Variants in NSMAF observed in about 807,000 individuals in gnomAD.
NSMAF encodes neutral sphingomyelinase activation associated factor, also known as protein FAN.
NSMAF carries 90 observed loss-of-function variants against 134.9 expected under a neutral mutation model. The ratio of observed to expected loss-of-function variants is 0.67; its 90% CI spans 0.56 to 0.79. The LOEUF is 0.79. NSMAF is among the 30% of genes least tolerant of loss of function. NSMAF has a pLI of 0.00. For synonymous variants in NSMAF, 358 were observed against 389.6 expected, an observed-to-expected ratio of 0.92 and a Z score of 0.96; for missense variants, 1,010 against 1,119.0, an observed-to-expected ratio of 0.90 and a Z score of 1.39.
At chr8:58,643,119 G>T in intron 1 of NSMAF, 46 bp from the exon 2 acceptor site, 1 of 1,343,494 alleles carries the variant, frequency 7.4e-7, no homozygotes, top group Non-Finnish European at 1.1e-6. Flanking sequence ...TTTTTAGTAA[G>T]TATAAGAAGG....
intron 1 of NSMAF, among the ~76,000 whole-genome samples, chr8:58,652,505 A>C (rs1438796776): frequency 6.6e-6 from 1 of 152,214 alleles, no homozygotes; most frequent in African/African-American, 2.4e-5. Context: ...CTGCAGCCAC[A>C]CATGCTGAGC....
intron 16 of NSMAF, among the ~76,000 whole-genome samples, chr8:58,600,395 C>T (rs897117764): frequency 8.6e-5 from 13 of 151,850 alleles, no homozygotes; most frequent in Non-Finnish European, 1.6e-4. Context: ...GAGGCCAAGG[C>T]GGGTGGATCA....
chr8:58,636,578 G>A (rs1177628636), intron 2 of NSMAF, among the ~76,000 whole-genome samples: 2 of 152,128 alleles, frequency 1.3e-5, no homozygotes, highest in East Asian at 1.9e-4. Context: ...CTAGATCAAG[G>A]GCTGGTAAAC....
intron 9 of NSMAF, among the ~76,000 whole-genome samples, chr8:58,610,899 T>C (rs1806515164): frequency 6.6e-6 from 1 of 152,196 alleles, no homozygotes; most frequent in Non-Finnish European, 1.5e-5. Flanking sequence ...TATCACTCCC[T>C]CAATAGAGTT....
intron 22 of NSMAF, 136 bp downstream of exon 22, chr8:58,595,424 G>A (rs993865112): frequency 1.6e-6 from 1 of 618,588 alleles, no homozygotes. Context: ...GACATTTTGG[G>A]GAGATTTTTA....
chr8:58,605,853 C>G, intron 12 of NSMAF, 74 bp downstream of exon 12: 1 of 1,399,556 alleles, frequency 7.1e-7, no homozygotes, highest in South Asian at 1.6e-5. Flanking sequence ...GCACTCCAGC[C>G]TGGGTGACAG....
At chr8:58,590,278 A>G (rs1363178145) in intron 24 of NSMAF, among the ~76,000 whole-genome samples, 1 of 152,138 alleles carries the variant, frequency 6.6e-6, no homozygotes, top group Non-Finnish European at 1.5e-5. Flanking sequence ...CATGTATGTC[A>G]AGGGTATTTA....
At chr8:58,600,621 C>CAAAAAAAAAAAAAAA (rs35209612) in intron 16 of NSMAF, among the ~76,000 whole-genome samples, 1 of 44,682 alleles carries the variant, frequency 2.2e-5, no homozygotes, top group African/African-American at 8.8e-5. Context: ...GACTCTGTCT[C>CAAAAAAAAAAAAAAA]AAAAAAAAAA....
intron 1 of NSMAF, among the ~76,000 whole-genome samples, chr8:58,643,505 C>A (rs1040681435): frequency 6.6e-6 from 1 of 151,898 alleles, no homozygotes. Flanking sequence ...GAGTTACTCC[C>A]ACAAGAACAC....
At chr8:58,646,119 C>G (rs181280024) in intron 1 of NSMAF, among the ~76,000 whole-genome samples, 2 of 152,138 alleles carry the variant, frequency 1.3e-5, no homozygotes, top group East Asian at 3.8e-4. Context: ...ATAGCAGAAA[C>G]CAATTTTACC....
At chr8:58,605,691 A>G (rs1806389064) in intron 12 of NSMAF, among the ~76,000 whole-genome samples, 1 of 152,036 alleles carries the variant, frequency 6.6e-6, no homozygotes, top group African/African-American at 2.4e-5. Flanking sequence ...CTACCTTCAT[A>G]TGAAAAGAAA....
chr8:58,602,463 T>C (rs186244169), intron 13 of NSMAF, among the ~76,000 whole-genome samples: 54 of 152,292 alleles, frequency 3.5e-4, no homozygotes, highest in African/African-American at 1.1e-3. Flanking sequence ...AAGCCATTAT[T>C]CTTCTACCAA....
intron 9 of NSMAF, among the ~76,000 whole-genome samples, chr8:58,618,022 G>A (rs1013719234): frequency 2.0e-5 from 3 of 152,130 alleles, no homozygotes; most frequent in African/African-American, 7.2e-5. Flanking sequence ...GGACATGGAC[G>A]AAGCTGGAAA....
intron 1 of NSMAF, among the ~76,000 whole-genome samples, chr8:58,658,789 C>G (rs566682787): frequency 6.6e-6 from 1 of 152,266 alleles, no homozygotes; most frequent in East Asian, 1.9e-4. Flanking sequence ...GGGGACAGGT[C>G]CAGCATATCT....
chr8:58,646,265 A>G (rs924507893), intron 1 of NSMAF, among the ~76,000 whole-genome samples: 1 of 152,216 alleles, frequency 6.6e-6, no homozygotes, highest in Non-Finnish European at 1.5e-5. Flanking sequence ...ATATAGTCAC[A>G]AGACAGAATT....
chr8:58,612,710 C>G (rs151028316), intron 9 of NSMAF, among the ~76,000 whole-genome samples: 80 of 152,148 alleles, frequency 5.3e-4, no homozygotes, highest in African/African-American at 1.9e-3. Context: ...GACAATGAAT[C>G]GAATTGTAGA....
chr8:58,593,319 C>T (rs1188115289), intron 23 of NSMAF, among the ~76,000 whole-genome samples: 1 of 152,066 alleles, frequency 6.6e-6, no homozygotes, highest in Non-Finnish European at 1.5e-5. Flanking sequence ...CAATCCAAGA[C>T]AGTATTTGAA....
chr8:58,659,086 GCCTGCTC>G, intron 1 of NSMAF: 2 of 886,122 alleles, frequency 2.3e-6, no homozygotes, highest in African/African-American at 1.8e-5. Flanking sequence ...GTGGTCGCCG[GCCTGCTC>G]GGTGCCGCCC....
Position 58,600,033 on chromosome 8 carries a change from A to G in NSMAF, c.1281-12T>C, listed in dbSNP as rs763588098. On this transcript the variant is annotated splice_polypyrimidine_tract_variant and intron_variant, in intron 16 of 30. Coordinates refer to ENST00000038176, the MANE Select transcript of NSMAF (RefSeq NM_003580.4). ...AAGTTTCTGCAATACTACATATGAA[A>G]AAAAAATTCACCTATTTTCAGCTAA... 12 of 1,608,450 alleles carry G rather than the reference A, an allele frequency of 7.5e-6. No individual in the cohort carries two copies. The highest frequency in any genetic ancestry group is 1.3e-5 in the African/African-American group (1 of 74,790).
Sources: gnomAD v4.1 joint callset for allele counts (sites outside exome capture counted in the v4.1 genomes callset) on GRCh38, gnomAD v4.1.1 for gene constraint, MANE v1.5 for transcripts, NCBI Gene and HGNC (gene_info 2026-07-23, HGNC 2026-07-21) for gene names.